CMSS1: variants seen among roughly 807,000 people sequenced by gnomAD.
The protein encoded by CMSS1 is cms1 ribosomal small subunit homolog.
In CMSS1, 33 loss-of-function variants were observed where a neutral mutation model predicts 43.5. That is an observed-to-expected ratio of 0.76 (90% CI 0.57 to 1.01). CMSS1 has a LOEUF of 1.01. CMSS1 is among the 50% of genes least tolerant of loss of function. CMSS1 has a pLI of 0.00. For missense variants in CMSS1, 313 were observed against 326.4 expected, an observed-to-expected ratio of 0.96 and a Z score of 0.32; for synonymous variants, 115 against 117.2, an observed-to-expected ratio of 0.98 and a Z score of 0.12.
chr3:100,036,937 T>C (rs1290486849), intron 1 of CMSS1, among the ~76,000 whole-genome samples: 5 of 152,162 alleles, frequency 3.3e-5, no homozygotes, highest in Non-Finnish European at 1.5e-5. Context: ...TAAGGAAATA[T>C]CAGACAAACC....
chr3:100,165,442 ATT>A (rs941651188), intron 4 of CMSS1, among the ~76,000 whole-genome samples: 9 of 152,170 alleles, frequency 5.9e-5, no homozygotes, highest in African/African-American at 1.9e-4. Context: ...ATATATATAT[ATT>A]CTTATAAAAT....
At chr3:99,995,057 T>C (rs761201008) in intron 1 of CMSS1, among the ~76,000 whole-genome samples, 2 of 152,112 alleles carry the variant, frequency 1.3e-5, no homozygotes, top group Non-Finnish European at 2.9e-5. Flanking sequence ...ACCCAAAGTC[T>C]TAACTCATTT....
chr3:99,973,113 T>C (rs750736824), intron 1 of CMSS1, among the ~76,000 whole-genome samples: 3 of 152,142 alleles, frequency 2.0e-5, no homozygotes, highest in Non-Finnish European at 2.9e-5. Flanking sequence ...AAGGGCAAAA[T>C]GAGGCCACCT....
At chr3:100,029,838 A>G (rs964817432) in intron 1 of CMSS1, among the ~76,000 whole-genome samples, 1 of 152,208 alleles carries the variant, frequency 6.6e-6, no homozygotes, top group African/African-American at 2.4e-5. Flanking sequence ...GAGTCATGAT[A>G]ACATTCTAGG....
intron 1 of CMSS1, among the ~76,000 whole-genome samples, chr3:99,874,031 C>A (rs1469577100): frequency 6.6e-6 from 1 of 152,126 alleles, no homozygotes; most frequent in African/African-American, 2.4e-5. Flanking sequence ...GATAGGGTAT[C>A]CATGATAAGT....
chr3:99,867,305 GT>G (rs560392000), intron 1 of CMSS1, among the ~76,000 whole-genome samples: 303 of 152,204 alleles, frequency 2.0e-3, no homozygotes, highest in African/African-American at 6.8e-3. Flanking sequence ...AATGGCTATA[GT>G]ATACCTCATG....
At chr3:99,844,392 C>G (rs1943269731) in intron 1 of CMSS1, among the ~76,000 whole-genome samples, 1 of 152,160 alleles carries the variant, frequency 6.6e-6, no homozygotes, top group Middle Eastern at 3.4e-3. Context: ...TATCTTTTCT[C>G]TTGGGATTAC....
chr3:100,101,729 C>A (rs2066309120), intron 1 of CMSS1, among the ~76,000 whole-genome samples: 1 of 152,080 alleles, frequency 6.6e-6, no homozygotes, highest in South Asian at 2.1e-4. Flanking sequence ...ATTAACTCAT[C>A]ATTTAACATT....
chr3:99,849,588 G>A, intron 1 of CMSS1: 2 of 1,613,512 alleles, frequency 1.2e-6, no homozygotes, highest in Non-Finnish European at 1.7e-6. Flanking sequence ...ATTGTTCATG[G>A]CTGGTCTCTG....
chr3:99,984,690 G>A (rs79757922), intron 1 of CMSS1, among the ~76,000 whole-genome samples: 1 of 152,144 alleles, frequency 6.6e-6, no homozygotes, highest in African/African-American at 2.4e-5. Flanking sequence ...TGGCTACTGT[G>A]GGGGAGGGAA....
chr3:100,070,042 T>A (rs1252355315), intron 1 of CMSS1, among the ~76,000 whole-genome samples: 1 of 152,196 alleles, frequency 6.6e-6, no homozygotes. Context: ...GCGTTAAAAA[T>A]TAACAGTATT....
chr3:100,112,099 T>C (rs2066501405), intron 1 of CMSS1, among the ~76,000 whole-genome samples: 1 of 152,212 alleles, frequency 6.6e-6, no homozygotes, highest in Non-Finnish European at 1.5e-5. Context: ...AACTAAGCTA[T>C]TACTATAAAA....
Position 100,178,328 on chromosome 3 carries a change from T to C in CMSS1, c.780T>C (p.Leu260=). Residue 260 remains leucine, a synonymous_variant, in exon 10 of 10, where the codon CTT becomes CTC. Coordinates refer to ENST00000421999, the MANE Select transcript of CMSS1 (RefSeq NM_032359.4). ...AGATAAGAAAGGAGGTATTCGAACT[T>C]CTGGAAATGGGAGTGCTCAGTCTGT... is the stretch of plus-strand genomic sequence containing the variant. ...IPEIRKEVFE[L]LEMGVLSLCK... is the part of the protein sequence containing the mutation. 1 of 1,613,008 alleles carries C rather than the reference T, an allele frequency of 6.2e-7. No homozygotes were observed. Among genetic ancestry groups the C allele is most frequent in the South Asian group, 1.1e-5 (1 of 91,012 alleles).
intron 8 of CMSS1, among the ~76,000 whole-genome samples, chr3:100,174,425 A>T (rs890289670): frequency 1.8e-4 from 28 of 152,112 alleles, no homozygotes; most frequent in Middle Eastern, 3.4e-3. Flanking sequence ...AGGAAGAGAA[A>T]AAGCAAAGCT....
At chr3:99,968,026 C>A (rs1482856005) in intron 1 of CMSS1, among the ~76,000 whole-genome samples, 1 of 152,160 alleles carries the variant, frequency 6.6e-6, no homozygotes, top group Non-Finnish European at 1.5e-5. Context: ...ATGCTGTTCA[C>A]AGAGAGATAC....
At chr3:100,125,693 A>G (rs995976950) in intron 1 of CMSS1, among the ~76,000 whole-genome samples, 7 of 152,222 alleles carry the variant, frequency 4.6e-5, no homozygotes, top group Non-Finnish European at 8.8e-5. Flanking sequence ...TTGATGAGTC[A>G]GGTGGCCCCA....
chr3:100,140,377 C>A (rs1016155580), intron 1 of CMSS1, among the ~76,000 whole-genome samples: 3 of 152,126 alleles, frequency 2.0e-5, no homozygotes, highest in Admixed American at 2.0e-4. Context: ...CTGGTCACTA[C>A]TGATCCTTTT....
intron 1 of CMSS1, among the ~76,000 whole-genome samples, chr3:99,954,835 GA>G (rs575824107): frequency 6.2e-4 from 91 of 145,952 alleles, no homozygotes; most frequent in South Asian, 5.2e-3. Context: ...CAAAAAAAAA[GA>G]AAAAAAAAAG....
At chr3:99,956,941 A>C (rs931470899) in intron 1 of CMSS1, among the ~76,000 whole-genome samples, 1 of 152,128 alleles carries the variant, frequency 6.6e-6, no homozygotes, top group Non-Finnish European at 1.5e-5. Flanking sequence ...TTCCAAATCC[A>C]GGAACCTCTT....
Sources: gnomAD v4.1 joint callset for allele counts (sites outside exome capture counted in the v4.1 genomes callset) on GRCh38, gnomAD v4.1.1 for gene constraint, MANE v1.5 for transcripts, NCBI Gene and HGNC (gene_info 2026-07-23, HGNC 2026-07-21) for gene names.